Variants in MACROD2 observed in about 807,000 individuals in gnomAD.
MACROD2 encodes mono-ADP ribosylhydrolase 2.
A neutral mutation model predicts 70.4 loss-of-function variants in MACROD2; 36 were observed. That is an observed-to-expected ratio of 0.51 (90% CI 0.39 to 0.68). The LOEUF is 0.68. Ranked by LOEUF, MACROD2 falls within the 30% of genes least tolerant of loss-of-function variation. MACROD2 has a pLI of 0.00. For missense variants in MACROD2, 496 were observed against 538.4 expected, an observed-to-expected ratio of 0.92 and a Z score of 0.78; for synonymous variants, 172 against 178.8, an observed-to-expected ratio of 0.96 and a Z score of 0.30.
chr20:15,145,266 A>G (rs751597490), intron 5 of MACROD2, among the ~76,000 whole-genome samples: 1 of 152,204 alleles, frequency 6.6e-6, no homozygotes, highest in Non-Finnish European at 1.5e-5. Flanking sequence ...TTATAGCCAT[A>G]GATGTAAGTC....
At chr20:14,136,390 T>A (rs2054798490) in intron 3 of MACROD2, among the ~76,000 whole-genome samples, 1 of 152,194 alleles carries the variant, frequency 6.6e-6, no homozygotes, top group African/African-American at 2.4e-5. Context: ...TAGATGTAAA[T>A]TCCAGACTTG....
At chr20:14,138,418 C>T (rs901773243) in intron 3 of MACROD2, among the ~76,000 whole-genome samples, 1 of 151,984 alleles carries the variant, frequency 6.6e-6, no homozygotes, top group Admixed American at 6.6e-5. Context: ...AGTGGAATAT[C>T]ATTCAGCCTT....
chr20:15,749,708 T>G lies in MACROD2; in HGVS notation c.646-113037T>G, dbSNP rs112058720. On this transcript the variant is annotated intron_variant, in intron 8 of 17. Transcript: ENST00000684519. ...ATCAGCTGTTACCTGTGACATGGGT[T>G]AAAAATCTTCTTACAAAATGAGAAG... Among the ~76,000 whole-genome samples the G allele has an allele frequency of 9.4e-3, 1,428 of 152,224 alleles. 18 individuals are homozygous for G. The highest frequency in any genetic ancestry group is 0.033 in the African/African-American group (1,370 of 41,568).
At position 15,586,611 on chromosome 20, in the gene MACROD2, A is replaced by G. The variant is rs73900004; in HGVS notation, c.645+86764A>G. 8.2e-3 allele frequency among the ~76,000 whole-genome samples: 1,253 copies of G among 152,304 alleles called. 19 individuals carry two copies. Among genetic ancestry groups the G allele is most frequent in the African/African-American group, 0.029 (1,207 of 41,562 alleles). ...TGGAACATTTCCACAGAAGGAATAC[A>G]ACAAAGATGCTTATTATGTCTACCT... On this transcript the variant is annotated intron_variant, in intron 8 of 17. Transcript: ENST00000684519.
intron 7 of MACROD2, among the ~76,000 whole-genome samples, chr20:15,456,028 C>T (rs139873577): frequency 6.6e-6 from 1 of 152,236 alleles, no homozygotes; most frequent in African/African-American, 2.4e-5. Flanking sequence ...GATGTCTCCG[C>T]GAAAGTGGGC....
intron 4 of MACROD2, among the ~76,000 whole-genome samples, chr20:14,650,578 A>G (rs1461401366): frequency 6.6e-6 from 1 of 152,194 alleles, no homozygotes; most frequent in African/African-American, 2.4e-5. Context: ...ACTCAAATGG[A>G]ACTGACTTTT....
intron 3 of MACROD2, among the ~76,000 whole-genome samples, chr20:14,273,343 C>T (rs1352135263): frequency 1.3e-5 from 2 of 151,594 alleles, no homozygotes; most frequent in Non-Finnish European, 2.9e-5. Flanking sequence ...AAGAAACTCA[C>T]TCAAAACTGC....
intron 6 of MACROD2, among the ~76,000 whole-genome samples, chr20:15,386,469 C>T (rs6079797): frequency 0.049 from 7,480 of 152,226 alleles, 248 homozygotes; most frequent in Admixed American, 0.074. Flanking sequence ...AGCAGTAAAA[C>T]TTTAAGAGAC....
chr20:15,165,016 C>G (rs868541488), intron 5 of MACROD2, among the ~76,000 whole-genome samples: 5 of 151,956 alleles, frequency 3.3e-5, no homozygotes, highest in Middle Eastern at 3.4e-3. Context: ...ATTGCAGAGG[C>G]CACAATTCAA....
At chr20:15,983,295 G>A (rs1165549376) in intron 13 of MACROD2, among the ~76,000 whole-genome samples, 1 of 152,150 alleles carries the variant, frequency 6.6e-6, no homozygotes, top group African/African-American at 2.4e-5. Context: ...GCTTTACGAT[G>A]TCTTATTTTT....
chr20:15,403,865 C>T (rs183743605), intron 6 of MACROD2, among the ~76,000 whole-genome samples: 111 of 152,160 alleles, frequency 7.3e-4, no homozygotes, highest in African/African-American at 2.6e-3. Flanking sequence ...TGTCTTCAAC[C>T]GTTATGGGAG....
At chr20:15,895,856 C>CCACCA (rs2064963939) in intron 10 of MACROD2, among the ~76,000 whole-genome samples, 6 of 152,316 alleles carry the variant, frequency 3.9e-5, no homozygotes, top group Admixed American at 2.6e-4. Flanking sequence ...TGAGGTGCAT[C>CCACCA]CACCACATGG....
intron 5 of MACROD2, among the ~76,000 whole-genome samples, chr20:14,982,513 G>T (rs1257139939): frequency 6.6e-6 from 1 of 152,134 alleles, no homozygotes; most frequent in Non-Finnish European, 1.5e-5. Context: ...CCACACCAAG[G>T]GTCACCATGC....
chr20:14,937,380 G>A (rs1269581978), intron 5 of MACROD2, among the ~76,000 whole-genome samples: 1 of 152,064 alleles, frequency 6.6e-6, no homozygotes, highest in South Asian at 2.1e-4. Flanking sequence ...CTTGCCTTGT[G>A]TGAAAGGTTT....
intron 8 of MACROD2, among the ~76,000 whole-genome samples, chr20:15,711,589 A>G (rs1181793621): frequency 2.0e-5 from 3 of 152,216 alleles, no homozygotes; most frequent in African/African-American, 7.2e-5. Context: ...AGACTGCAGC[A>G]GGTGCTGCAG....
chr20:15,041,433 TA>T (rs2123027640), intron 5 of MACROD2, among the ~76,000 whole-genome samples: 1 of 152,220 alleles, frequency 6.6e-6, no homozygotes, highest in African/African-American at 2.4e-5. Flanking sequence ...TTTTTTAAAT[TA>T]ATTTCTCTCT....
intron 5 of MACROD2, among the ~76,000 whole-genome samples, chr20:15,006,332 G>C (rs2122917002): frequency 6.6e-6 from 1 of 152,162 alleles, no homozygotes; most frequent in Admixed American, 6.5e-5. Context: ...ACAATAGAAA[G>C]GTGGTTATGG....
At chr20:14,743,940 G>C (rs2123724153) in intron 5 of MACROD2, among the ~76,000 whole-genome samples, 1 of 152,240 alleles carries the variant, frequency 6.6e-6, no homozygotes, top group African/African-American at 2.4e-5. Flanking sequence ...GAACTTTGAA[G>C]ATGGAAGTAG....
At chr20:14,789,809 C>T (rs1463712960) in intron 5 of MACROD2, among the ~76,000 whole-genome samples, 1 of 151,820 alleles carries the variant, frequency 6.6e-6, no homozygotes, top group South Asian at 2.1e-4. Context: ...ACTTATAAAC[C>T]ACCCACCTTG....
Sources: allele counts gnomAD v4.1 joint callset (sites outside exome capture counted in the v4.1 genomes callset), GRCh38; gene constraint gnomAD v4.1.1; transcripts MANE v1.5; gene names NCBI Gene and HGNC (gene_info 2026-07-23, HGNC 2026-07-21).